RECK: variants seen among roughly 807,000 people sequenced by gnomAD.
The protein encoded by RECK is reversion-inducing cysteine-rich protein with Kazal motifs.
RECK carries 69 observed loss-of-function variants against 115.1 expected under a neutral mutation model. The ratio of observed to expected loss-of-function variants is 0.60; its 90% confidence interval spans 0.49 to 0.73. The LOEUF (loss-of-function observed/expected upper bound fraction) is 0.73, where lower values mean the gene tolerates loss of function less well. Among genes scored for constraint, RECK ranks in the 30% least tolerant of loss-of-function variants. RECK has a pLI of 0.00. For synonymous variants in RECK, 414 were observed against 419.7 expected, an observed-to-expected ratio of 0.99 and a Z score of 0.17; for missense variants, 1,047 against 1,203.7, an observed-to-expected ratio of 0.87 and a Z score of 1.93.
At chr9:36,073,207 A>G (rs1822302979) in intron 6 of RECK, among the ~76,000 whole-genome samples, 1 of 132,398 alleles carries the variant, frequency 7.6e-6, no homozygotes, top group African/African-American at 3.2e-5. Context: ...TCCACCCCTA[A>G]ACAGCAACAC....
chr9:36,061,177 C>G (rs1470196510), intron 4 of RECK, among the ~76,000 whole-genome samples: 1 of 151,986 alleles, frequency 6.6e-6, no homozygotes, highest in African/African-American at 2.4e-5. Flanking sequence ...TAGCCTGACA[C>G]TCATGATCTC....
rs545544879 is a variant in RECK, at chr9:36,112,656, G to C, written c.2060+180G>C. ...GCTTGATAAGGTGCTGCGATTGGGA[G>C]CCCAGAAGTAGGGCAGTTAATGCAG... On this transcript the variant is annotated intron_variant, in intron 16 of 20. Transcript: ENST00000377966. 2.7e-3 allele frequency among the ~76,000 whole-genome samples: 409 copies of C among 152,286 alleles called. 1 individual carries two copies. The highest frequency in any genetic ancestry group is 4.6e-3 in the Non-Finnish European group (311 of 68,022).
intron 1 of RECK, among the ~76,000 whole-genome samples, chr9:36,042,548 C>T (rs764270185): frequency 6.6e-5 from 10 of 152,042 alleles, no homozygotes; most frequent in Non-Finnish European, 1.2e-4. Flanking sequence ...CTGCTACACA[C>T]ATCTACCACA....
chr9:36,114,926 CT>C (rs1453344602), intron 16 of RECK, among the ~76,000 whole-genome samples: 2 of 152,106 alleles, frequency 1.3e-5, no homozygotes, highest in South Asian at 2.1e-4. Context: ...AACTAGGTGT[CT>C]AGGACACAAG....
At position 36,046,365 on chromosome 9, in the gene RECK, T is replaced by G. The variant is rs1231088988; in HGVS notation, c.101-5900T>G. 2.0e-5 allele frequency among the ~76,000 whole-genome samples: 3 copies of G among 152,324 alleles called. No homozygotes were observed. In the East Asian group the frequency reaches 5.8e-4, roughly 29 times the overall value. On this transcript the variant is annotated intron_variant, in intron 1 of 20. Transcript: ENST00000377966. ...TAATTGCATTTGAATTCTTCTCCCA[T>G]TGATAACGAAGTCATATGAATGGAT...
At chr9:36,060,083 A>C in intron 3 of RECK, 36 bp from the exon 4 acceptor site, 2 of 1,596,894 alleles carry the variant, frequency 1.3e-6, no homozygotes, top group Middle Eastern at 1.7e-4. Context: ...GGAACTGGTT[A>C]TCTACATAAA....
chr9:36,112,447 T>C lies in RECK; in HGVS notation c.2031T>C (p.Cys677=). The change falls in exon 16 of 21, where the codon TGT becomes TGC. Residue 677 remains cysteine, a synonymous_variant. Coordinates refer to ENST00000377966, the MANE Select transcript of RECK (RefSeq NM_021111.3). ...EFGSCMSKDP[C]NPNPCQKNQR... ...GATCATGCATGTCAAAGGATCCATG[T>C]AATCCTAATCCCTGCCAAAAAAACC... The C allele has an allele frequency of 6.2e-7, 1 of 1,614,140 alleles. No individual in the cohort carries two copies. The highest frequency in any genetic ancestry group is 8.5e-7 in the Non-Finnish European group (1 of 1,180,046).
At chr9:36,044,204 C>T (rs1820989070) in intron 1 of RECK, among the ~76,000 whole-genome samples, 1 of 150,092 alleles carries the variant, frequency 6.7e-6, no homozygotes, top group Non-Finnish European at 1.5e-5. Flanking sequence ...AGGTATATTC[C>T]TAAGTATTTT....
intron 16 of RECK, among the ~76,000 whole-genome samples, chr9:36,114,713 C>T (rs532869082): frequency 6.6e-6 from 1 of 152,182 alleles, no homozygotes; most frequent in South Asian, 2.1e-4. Flanking sequence ...GACATGGTGG[C>T]TTCCACCTGT....
At position 36,063,873 on chromosome 9, in the gene RECK, G is replaced by T. The variant is rs1821884054; in HGVS notation, c.350G>T (p.Cys117Phe). 1 of 1,613,934 alleles carries T rather than the reference G, an allele frequency of 6.2e-7. No individual in the cohort carries two copies. The change falls in exon 5 of 21, where the codon TGC (cysteine) becomes TTC (phenylalanine). Residue 117 changes from cysteine (C) to phenylalanine (F), a missense_variant. Cys to Phe is a radical substitution (Grantham distance 205). Transcript: ENST00000377966. ...LAIALECRQA[C>F]KQASSKNDIS... ...ATTGCCTTGGAGTGTCGACAGGCAT[G>T]CAAGCAGGTAACACTGGGTAGTCAG...
chr9:36,042,623 T>G (rs1436246574), intron 1 of RECK, among the ~76,000 whole-genome samples: 3 of 152,242 alleles, frequency 2.0e-5, no homozygotes, highest in Non-Finnish European at 4.4e-5. Flanking sequence ...CAGTTGCTAA[T>G]TGTGCTGCTA....
chr9:36,064,384 G>C (rs1821907284), intron 5 of RECK, among the ~76,000 whole-genome samples: 1 of 152,144 alleles, frequency 6.6e-6, no homozygotes, highest in Non-Finnish European at 1.5e-5. Context: ...CCCCAATTCA[G>C]CTTAGGTGCC....
At chr9:36,101,036 A>T (rs1256662465) in intron 11 of RECK, among the ~76,000 whole-genome samples, 1 of 151,092 alleles carries the variant, frequency 6.6e-6, no homozygotes, top group Non-Finnish European at 1.5e-5. Flanking sequence ...GCATGACCTC[A>T]GCTCACTGCA....
chr9:36,036,991 G>C lies in RECK; in HGVS notation c.-8G>C, dbSNP rs1242325712. ...CATCCCGCGGCTCTGGAGCCGCCCGGCCCGGACATGGCGACCGTCCGGGCC... is the reference window on the plus strand; with the variant it reads ...CATCCCGCGGCTCTGGAGCCGCCCGCCCCGGACATGGCGACCGTCCGGGCC... On this transcript the variant is annotated 5_prime_UTR_variant, in exon 1 of 21. Transcript: ENST00000377966. 9 of 1,424,116 alleles carry C rather than the reference G, an allele frequency of 6.3e-6. No individual in the cohort carries two copies. Among genetic ancestry groups the C allele is most frequent in the Non-Finnish European group, 8.3e-6 (9 of 1,087,244 alleles). The allele number at this position is 1,424,116 out of a possible 1,614,324, so 88.2% of individuals were successfully genotyped here.
At chr9:36,089,315 T>A (rs1054902963) in intron 9 of RECK, among the ~76,000 whole-genome samples, 1 of 152,204 alleles carries the variant, frequency 6.6e-6, no homozygotes, top group Non-Finnish European at 1.5e-5. Context: ...AGGAAGGCTT[T>A]TCCTTCTCTC....
At chr9:36,056,497 A>G (rs1821531451) in intron 2 of RECK, among the ~76,000 whole-genome samples, 1 of 152,148 alleles carries the variant, frequency 6.6e-6, no homozygotes, top group African/African-American at 2.4e-5. Flanking sequence ...TTTGCTATTC[A>G]CATCCCCCTG....
chr9:36,054,526 AG>A (rs1475700281), intron 2 of RECK, among the ~76,000 whole-genome samples: 5 of 147,638 alleles, frequency 3.4e-5, no homozygotes, highest in Admixed American at 2.7e-4. Flanking sequence ...AAAGCCAATT[AG>A]TGGAGATTTT....
intron 8 of RECK, among the ~76,000 whole-genome samples, 188 bp from the exon 9 acceptor site, chr9:36,087,506 G>A (rs1368192704): frequency 1.3e-5 from 2 of 152,210 alleles, no homozygotes; most frequent in Non-Finnish European, 2.9e-5. Context: ...TTGGGGGCTA[G>A]GGGAGGGATA....
chr9:36,068,540 CA>C (rs748095537), intron 6 of RECK, among the ~76,000 whole-genome samples: 1 of 152,146 alleles, frequency 6.6e-6, no homozygotes, highest in Non-Finnish European at 1.5e-5. Flanking sequence ...ATGCTCAAGC[CA>C]AAAACTAAAT....
Sources: allele counts gnomAD v4.1 joint callset (sites outside exome capture counted in the v4.1 genomes callset), GRCh38; gene constraint gnomAD v4.1.1; transcripts MANE v1.5; gene names NCBI Gene and HGNC (gene_info 2026-07-23, HGNC 2026-07-21).